NRK: variants seen among roughly 807,000 people sequenced by gnomAD.
The protein encoded by NRK is Nik related kinase.
NRK carries 67 observed loss-of-function variants against 125.2 expected under a neutral mutation model. The observed-to-expected ratio is 0.54, with a 90% CI of 0.44 to 0.66. The LOEUF is 0.66. NRK is among the 30% of genes least tolerant of loss of function. NRK has a pLI of 0.00. For synonymous variants in NRK, 458 were observed against 429.0 expected, an observed-to-expected ratio of 1.07 and a Z score of -0.84; for missense variants, 1,224 against 1,192.9, an observed-to-expected ratio of 1.03 and a Z score of -0.38.
intron 5 of NRK, among the ~76,000 whole-genome samples, chrX:105,890,549 A>G (rs981469959): frequency 2.7e-5 from 3 of 112,571 alleles, no homozygotes; most frequent in African/African-American, 9.7e-5. Flanking sequence ...AAAGAGGTTT[A>G]ATTGACACAG....
At chrX:105,925,155 T>G in intron 19 of NRK, 124 bp downstream of exon 19, 1 of 514,330 alleles carries the variant, frequency 1.9e-6, no homozygotes, top group East Asian at 3.6e-5. Flanking sequence ...CCTTAAACAT[T>G]TTTAATTATA....
At chrX:105,895,248 T>C in intron 6 of NRK, 185 bp from the exon 7 acceptor site, 1 of 530,079 alleles carries the variant, frequency 1.9e-6, no homozygotes, top group East Asian at 3.5e-5. Flanking sequence ...CCAAAAGTCA[T>C]ATTTCTGGGA....
At position 105,957,581 on chromosome X, in the gene NRK, C is replaced by G. The variant is rs1195299865; in HGVS notation, c.*1981C>G. The G allele has an allele frequency of 9.0e-6, 1 of 111,604 alleles. No individual in the cohort carries two copies. Among genetic ancestry groups the G allele is most frequent in the Non-Finnish European group, 1.9e-5 (1 of 53,107 alleles). The allele number at this position is 111,604 out of a possible 1,213,427, so 9.2% of individuals were successfully genotyped here. On this transcript the variant is annotated 3_prime_UTR_variant, in exon 29 of 29. Coordinates refer to ENST00000243300, the MANE Select transcript of NRK (RefSeq NM_198465.4). Reference sequence around the variant, plus strand: ...GTAAACTATTTTAGGAAGTCAACCCCCATTGCACTCTGTGGCAGTTATTCT... The same window carrying G: ...GTAAACTATTTTAGGAAGTCAACCCGCATTGCACTCTGTGGCAGTTATTCT...
intron 2 of NRK, among the ~76,000 whole-genome samples, chrX:105,842,899 G>T (rs1203946550): frequency 9.0e-6 from 1 of 111,650 alleles, no homozygotes; most frequent in Non-Finnish European, 1.9e-5. Context: ...AGACTTTCCT[G>T]GTGGTTAACC....
At position 105,912,669 on chromosome X, in the gene NRK, G is replaced by C; in HGVS notation, c.2263G>C (p.Asp755His). 9.1e-7 allele frequency: 1 copy of C among 1,095,227 alleles called. No homozygotes were observed. Among genetic ancestry groups the C allele is most frequent in the Non-Finnish European group, 1.2e-6 (1 of 813,366 alleles). 90.3% of individuals were successfully genotyped at this position (1,095,227 alleles called of 1,213,427 possible). The stretch of plus-strand genomic sequence containing the variant: ...AAAGGACAAAGAAGATGAATCATCA[G>C]ACAATGATGAAGTATTTCATTCGAT... Reference protein sequence around the residue: ...VDKDKEDESSDNDEVFHSIQA... With the variant: ...VDKDKEDESSHNDEVFHSIQA... Residue 755 changes from aspartate to histidine, a missense_variant, in exon 14 of 29, where the codon GAC (aspartate) becomes CAC (histidine). Coordinates refer to ENST00000243300, the MANE Select transcript of NRK (RefSeq NM_198465.4).
rs2040188141 is a variant in NRK at position 105,903,790 on chromosome X, C to G, written c.767-1475C>G. Among the ~76,000 whole-genome samples, 3 of 111,759 alleles carry G rather than the reference C, an allele frequency of 2.7e-5. No individual in the cohort carries two copies. In the South Asian group the frequency reaches 1.1e-3, roughly 42 times the overall value. ...CCTGAAGATGTTGTCAGTGGACTAA[C>G]TGTTGCCCAGATGTTAATAAATGAC... On this transcript the variant is annotated intron_variant, in intron 9 of 28. Transcript: ENST00000243300.
chrX:105,939,822 T>C (rs1249542533), intron 22 of NRK, 52 bp from the exon 23 acceptor site: 3 of 722,233 alleles, frequency 4.2e-6, no homozygotes, highest in Non-Finnish European at 5.8e-6. Context: ...TTTCTTCTAA[T>C]ATATGAAAAG....
intron 2 of NRK, among the ~76,000 whole-genome samples, chrX:105,840,388 A>G (rs777407922): frequency 8.9e-6 from 1 of 112,061 alleles, no homozygotes. Context: ...AAAATATATT[A>G]TGTCATTTCT....
intron 1 of NRK, among the ~76,000 whole-genome samples, chrX:105,826,199 TATC>T (rs796475823): frequency 1.5e-3 from 135 of 89,530 alleles, no homozygotes; most frequent in Middle Eastern, 5.3e-3. Flanking sequence ...GATAATATAT[TATC>T]ATATATATAA....
chrX:105,842,548 T>A (rs1170397552), intron 2 of NRK, among the ~76,000 whole-genome samples: 3 of 112,225 alleles, frequency 2.7e-5, no homozygotes, highest in African/African-American at 6.5e-5. Context: ...GTAGGAATTT[T>A]AAAAATCAAC....
chrX:105,844,103 C>T (rs2147657199), intron 2 of NRK, among the ~76,000 whole-genome samples: 1 of 107,513 alleles, frequency 9.3e-6, no homozygotes, highest in Admixed American at 1.0e-4. Context: ...TAGGAAACCA[C>T]TGCCAGTCTG....
intron 7 of NRK, among the ~76,000 whole-genome samples, chrX:105,896,055 A>G (rs778675307): frequency 1.8e-5 from 2 of 111,982 alleles, no homozygotes; most frequent in Non-Finnish European, 3.8e-5. Context: ...GTTCAGAATT[A>G]TAAATCAAAA....
chrX:105,829,164 A>G (rs1209755658), intron 1 of NRK, among the ~76,000 whole-genome samples: 1 of 112,036 alleles, frequency 8.9e-6, no homozygotes, highest in African/African-American at 3.2e-5. Flanking sequence ...TCATATAGTT[A>G]ATTAATGGTA....
chrX:105,900,330 T>C, intron 8 of NRK, among the ~76,000 whole-genome samples: 1 of 111,535 alleles, frequency 9.0e-6, no homozygotes, highest in Non-Finnish European at 1.9e-5. Context: ...TATGGCAAGT[T>C]TCTTTTGGTA....
chrX:105,894,750 T>A lies in NRK; in HGVS notation c.490-683T>A, dbSNP rs374679642. On this transcript the variant is annotated intron_variant, in intron 6 of 28. Transcript: ENST00000243300. ...AGGGTTTCTGAGAGGAATTAGTAAT[T>A]TACTCCATGTAAAGCACTTAGTACA... Among the ~76,000 whole-genome samples the A allele has an allele frequency of 4.5e-5, 5 of 112,198 alleles. No individual in the cohort carries two copies. The East Asian group carries it at 8.4e-4, about 19-fold the overall frequency.
chrX:105,906,427 C>T lies in NRK; in HGVS notation c.859C>T (p.His287Tyr). The part of the protein sequence containing the change: ...VKSSGWSRKF[H>Y]NFMEKCTIKN... ...CTCATTTTTTAGGTCCCGTAAGTTC[C>T]ACAATTTCATGGAAAAGTGTACGAT... Residue 287 changes from histidine to tyrosine, a missense_variant, in exon 11 of 29, where the codon CAC becomes TAC. His to Tyr is a moderately conservative substitution (Grantham distance 83). Coordinates refer to ENST00000243300, the MANE Select transcript of NRK (RefSeq NM_198465.4). 8.6e-7 allele frequency: 1 copy of T among 1,157,988 alleles called. No homozygotes were observed. Among genetic ancestry groups the T allele is most frequent in the Non-Finnish European group, 1.2e-6 (1 of 862,511 alleles).
Position 105,822,949 on chromosome X carries a change from G to A in NRK, c.57+47G>A, listed in dbSNP as rs753797587. The stretch of plus-strand genomic sequence containing the variant: ...CCCCCCGAAATGCTCTCTTTTGGCG[G>A]GTTCTGCGTACCAGAGGGAGGGAGC... On this transcript the variant is annotated intron_variant, in intron 1 of 28. Transcript: ENST00000243300. 1.6e-5 allele frequency: 17 copies of A among 1,056,551 alleles called. No individual in the cohort carries two copies. The South Asian group carries it at 3.4e-4, about 21-fold the overall frequency. The allele number at this position is 1,056,551 out of a possible 1,213,427, so 87.1% of individuals were successfully genotyped here.
chrX:105,942,197 A>T (rs1239295736), intron 23 of NRK, among the ~76,000 whole-genome samples: 1 of 111,940 alleles, frequency 8.9e-6, no homozygotes, highest in Non-Finnish European at 1.9e-5. Context: ...CAGTTGATGG[A>T]CATTTGCACT....
At chrX:105,838,349 G>A (rs1237519604) in intron 2 of NRK, among the ~76,000 whole-genome samples, 1 of 111,116 alleles carries the variant, frequency 9.0e-6, no homozygotes, top group African/African-American at 3.3e-5. Flanking sequence ...CTGGGTAGCT[G>A]GTATATTGGG....
Sources: gnomAD v4.1 joint callset for allele counts (sites outside exome capture counted in the v4.1 genomes callset) on GRCh38, gnomAD v4.1.1 for gene constraint, MANE v1.5 for transcripts, NCBI Gene and HGNC (gene_info 2026-07-23, HGNC 2026-07-21) for gene names.